TBC1D7: variants seen among roughly 807,000 people sequenced by gnomAD.
TBC1D7 encodes the protein TBC1 domain family member 7, also known as TBC domain family 7.
A neutral mutation model predicts 35.3 loss-of-function variants in TBC1D7; 33 were observed. The ratio of observed to expected loss-of-function variants is 0.93; its 90% confidence interval spans 0.71 to 1.25. The LOEUF (loss-of-function observed/expected upper bound fraction) is 1.25. Ranked by LOEUF, TBC1D7 falls within the 50% of genes most tolerant of loss-of-function variation. The pLI, the probability that TBC1D7 is intolerant of heterozygous loss-of-function variation, is 0.00. For missense variants in TBC1D7, 362 were observed against 365.3 expected (o/e 0.99, Z 0.07); for synonymous variants, 135 against 129.5 (o/e 1.04, Z -0.29).
At chr6:13,318,136 G>C (rs1783769332) in intron 4 of TBC1D7, 1 of 152,372 alleles carries the variant, frequency 6.6e-6, no homozygotes, top group African/African-American at 2.4e-5. Context: ...CCTGCAGAGA[G>C]TCATCAGCAA....
In TBC1D7 at chr6:13,304,993, G is replaced by T; in HGVS notation, c.*108C>A. ...TATTGGGGGAAAAAAACCACTTTGA[G>T]CACCAAAGCAAGAAAAGTGTATTAT... On this transcript the variant is annotated 3_prime_UTR_variant, in exon 8 of 8. Transcript: ENST00000379300. 1.1e-6 allele frequency: 1 copy of T among 922,050 alleles called. No homozygotes were observed. The highest frequency in any genetic ancestry group is 1.6e-6 in the Non-Finnish European group (1 of 625,962). The allele number at this position is 922,050 out of a possible 1,614,324, so 57.1% of individuals were successfully genotyped here.
At chr6:13,309,518 C>T (rs1219472940) in intron 5 of TBC1D7, among the ~76,000 whole-genome samples, 2 of 152,144 alleles carry the variant, frequency 1.3e-5, no homozygotes, top group Non-Finnish European at 2.9e-5. Flanking sequence ...TCTTAGTAAT[C>T]GCTCAATATA....
intron 4 of TBC1D7, among the ~76,000 whole-genome samples, chr6:13,317,761 C>T (rs775259913): frequency 2.0e-5 from 3 of 152,260 alleles, no homozygotes; most frequent in Admixed American, 1.3e-4. Context: ...TGACCACTGA[C>T]AGGTCAAGGG....
intron 5 of TBC1D7, among the ~76,000 whole-genome samples, chr6:13,312,066 A>G (rs1441210510): frequency 3.3e-5 from 5 of 152,094 alleles, no homozygotes; most frequent in Admixed American, 1.3e-4. Context: ...ACACCATGTA[A>G]GTGCTGTTCT....
At chr6:13,326,952 G>A in intron 1 of TBC1D7, 46 bp from the exon 2 acceptor site, 2 of 1,073,474 alleles carry the variant, frequency 1.9e-6, no homozygotes, top group Non-Finnish European at 2.8e-6. Context: ...AAGACGAAGG[G>A]GAAAAGTGAG....
rs773281101 is a variant in TBC1D7, at chr6:13,320,960, C to A, written c.329G>T (p.Arg110Leu). ...DATPQAEVYL[R>L]MYQLESGKLP... is the part of the protein sequence containing the mutation. ...CTTCCCAGACTCCAGCTGATACATG[C>A]GGAGATAGACTTCAGCCTGAGGTGT... The change falls in exon 4 of 8, where the codon CGC (arginine) becomes CTC (leucine). Residue 110 changes from arginine (R) to leucine (L), a missense_variant. By Grantham distance (102) the Arg-to-Leu change is moderately radical. Coordinates refer to ENST00000379300, the MANE Select transcript of TBC1D7 (RefSeq NM_016495.6). 5.0e-6 allele frequency: 8 copies of A among 1,614,040 alleles called. No individual in the cohort carries two copies. The highest frequency in any genetic ancestry group is 6.8e-6 in the Non-Finnish European group (8 of 1,180,038).
At chr6:13,306,345 C>T (rs1782806006) in intron 7 of TBC1D7, 53 bp downstream of exon 7, 3 of 1,533,552 alleles carry the variant, frequency 2.0e-6, no homozygotes, top group South Asian at 2.6e-5. Context: ...GAAAATCTGA[C>T]TTGCTAAGGT....
intron 5 of TBC1D7, among the ~76,000 whole-genome samples, chr6:13,315,029 T>A (rs749733060): frequency 1.2e-4 from 18 of 152,182 alleles, no homozygotes. Flanking sequence ...CCCTCCTATG[T>A]CACTCACAGA....
In TBC1D7 at chr6:13,320,632, G is replaced by T; in HGVS notation, c.381+276C>A. On this transcript the variant is annotated intron_variant, in intron 4 of 7. Coordinates refer to ENST00000379300, the MANE Select transcript of TBC1D7 (RefSeq NM_016495.6). ...ATAATGTTAACAACTGGAGAATCTG[G>T]GTAAAGGGTATATGCAAATTCTTGG... 11 of 608,628 alleles carry T rather than the reference G, an allele frequency of 1.8e-5. No homozygotes were observed. In the South Asian group the frequency reaches 2.2e-4, roughly 12 times the overall value. The allele number at this position is 608,628 out of a possible 1,614,324, so 37.7% of individuals were successfully genotyped here.
Position 13,316,646 on chromosome 6 carries a change from A to G in TBC1D7, c.444T>C (p.Ser148=), listed in dbSNP as rs1293935452. 3.7e-6 allele frequency: 6 copies of G among 1,613,964 alleles called. No individual in the cohort carries two copies. The highest frequency in any genetic ancestry group is 1.7e-5 in the Admixed American group (1 of 59,998). ...AKAMEEMVED[S]VDCYWITRRF... Reference sequence around the variant, plus strand: ...GTCGGGTGATCCAGTAACAGTCGACACTATCTTCCACCATTTCCTCCATGG... The same window carrying G: ...GTCGGGTGATCCAGTAACAGTCGACGCTATCTTCCACCATTTCCTCCATGG... The change falls in exon 5 of 8, where the codon AGT becomes AGC. Residue 148 remains serine, a synonymous_variant. Coordinates refer to ENST00000379300, the MANE Select transcript of TBC1D7 (RefSeq NM_016495.6).
chr6:13,309,967 A>C (rs192268319), intron 5 of TBC1D7, among the ~76,000 whole-genome samples: 2 of 152,344 alleles, frequency 1.3e-5, no homozygotes, highest in East Asian at 3.9e-4. Context: ...TGCAATATAA[A>C]ATTACACTGA....
chr6:13,325,644 G>C (rs1784355687), intron 2 of TBC1D7, among the ~76,000 whole-genome samples: 1 of 152,202 alleles, frequency 6.6e-6, no homozygotes, highest in South Asian at 2.1e-4. Flanking sequence ...GCCTGGGCAA[G>C]AGTGAGACTC....
intron 3 of TBC1D7, among the ~76,000 whole-genome samples, chr6:13,321,575 G>C (rs748855376): frequency 6.6e-6 from 1 of 152,164 alleles, no homozygotes; most frequent in Non-Finnish European, 1.5e-5. Context: ...GGTCACAAAA[G>C]TCCTTAATCT....
chr6:13,306,296 A>T lies in TBC1D7; in HGVS notation c.795+102T>A, dbSNP rs113025574. Reference sequence around the variant, plus strand: ...CATTCTAAGGTATTATTTCTCTAAAATCATGTAATTATTTCTCTGAAATAA... The same window carrying T: ...CATTCTAAGGTATTATTTCTCTAAATTCATGTAATTATTTCTCTGAAATAA... On this transcript the variant is annotated intron_variant, in intron 7 of 7. Coordinates refer to ENST00000379300, the MANE Select transcript of TBC1D7 (RefSeq NM_016495.6). 4,125 of 1,070,530 alleles carry T rather than the reference A, an allele frequency of 3.9e-3. 123 individuals carry two copies. The African/African-American group carries it at 0.061, about 16-fold the overall frequency. 66.3% of individuals were successfully genotyped at this position (1,070,530 alleles called of 1,614,324 possible). A position where few individuals can be genotyped will look rare whatever the true frequency, so the allele number is the denominator to read the frequency against.
chr6:13,322,332 A>C (rs1050362904), intron 3 of TBC1D7, among the ~76,000 whole-genome samples: 1 of 152,206 alleles, frequency 6.6e-6, no homozygotes, highest in African/African-American at 2.4e-5. Flanking sequence ...GAGGCTCTAC[A>C]GAAGTACAGA....
rs150225130 is a variant in TBC1D7 at position 13,316,629 on chromosome 6, A to C, written c.461T>G (p.Ile154Ser). Residue 154 changes from isoleucine (I) to serine (S), a missense_variant, in exon 5 of 8, where the codon ATC becomes AGC. Coordinates refer to ENST00000379300, the MANE Select transcript of TBC1D7 (RefSeq NM_016495.6). ...TAATTGGTTCACAAAGCGTCGGGTG[A>C]TCCAGTAACAGTCGACACTATCTTC... ...MVEDSVDCYWITRRFVNQLNT... is the reference protein window; with the variant it reads ...MVEDSVDCYWSTRRFVNQLNT... 153 of 1,613,884 alleles carry C rather than the reference A, an allele frequency of 9.5e-5. 3 individuals carry two copies. The East Asian group carries it at 1.8e-3, about 19-fold the overall frequency.
At chr6:13,311,129 T>C (rs912878330) in intron 5 of TBC1D7, among the ~76,000 whole-genome samples, 1 of 152,184 alleles carries the variant, frequency 6.6e-6, no homozygotes, top group Non-Finnish European at 1.5e-5. Context: ...AGCAAGAAGC[T>C]GCTAATAGTG....
At chr6:13,320,335 G>A (rs1783941089) in intron 4 of TBC1D7, 1 of 170,222 alleles carries the variant, frequency 5.9e-6, no homozygotes, top group African/African-American at 2.4e-5. Flanking sequence ...CAATGTTAAT[G>A]TCTTAGTTTT....
intron 5 of TBC1D7, among the ~76,000 whole-genome samples, chr6:13,314,937 G>A (rs1783497812): frequency 6.6e-6 from 1 of 152,176 alleles, no homozygotes; most frequent in African/African-American, 2.4e-5. Context: ...CTTGTGCAAT[G>A]CAGCAAGTAC....
Sources: gnomAD v4.1 joint callset for allele counts (sites outside exome capture counted in the v4.1 genomes callset) on GRCh38, gnomAD v4.1.1 for gene constraint, MANE v1.5 for transcripts, NCBI Gene and HGNC (gene_info 2026-07-23, HGNC 2026-07-21) for gene names.